EFCAB6: variants seen among roughly 807,000 people sequenced by gnomAD.
EFCAB6 encodes EF-hand calcium-binding domain-containing protein 6.
In EFCAB6, 156 loss-of-function variants were observed where a neutral mutation model predicts 169.8. The ratio of observed to expected loss-of-function variants is 0.92; its 90% CI spans 0.81 to 1.05. The LOEUF is 1.05. EFCAB6 is among the 50% of genes least tolerant of loss of function. EFCAB6 has a pLI of 0.00. For missense variants in EFCAB6, 1,800 were observed against 1,829.1 expected (o/e 0.98, Z 0.29); for synonymous variants, 698 against 676.4 (o/e 1.03, Z -0.50).
At chr22:43,619,327 TA>T (rs1354146979) in intron 20 of EFCAB6, among the ~76,000 whole-genome samples, 5 of 152,184 alleles carry the variant, frequency 3.3e-5, no homozygotes, top group African/African-American at 1.2e-4. Flanking sequence ...GATTGCCTGC[TA>T]AAATAATGAC....
intron 6 of EFCAB6, among the ~76,000 whole-genome samples, chr22:43,754,168 A>C (rs2060872091): frequency 6.6e-6 from 1 of 152,226 alleles, no homozygotes; most frequent in Non-Finnish European, 1.5e-5. Flanking sequence ...AGCTGTAGGG[A>C]TAAGCATAAT....
intron 4 of EFCAB6, among the ~76,000 whole-genome samples, chr22:43,770,949 G>C (rs1014090400): frequency 6.6e-6 from 1 of 151,886 alleles, no homozygotes; most frequent in East Asian, 1.9e-4. Context: ...GAGAGAGAGA[G>C]AGAGTCAGTC....
chr22:43,683,971 G>T, intron 11 of EFCAB6, 116 bp from the exon 12 acceptor site: 2 of 744,376 alleles, frequency 2.7e-6, no homozygotes, highest in Non-Finnish European at 2.2e-6. Context: ...CTCTGTGCGT[G>T]GCTCTTTTTC....
rs577824411 is a variant in EFCAB6 at position 43,600,083 on chromosome 22, C to G, written c.2862G>C (p.Lys954Asn). Residue 954 changes from lysine to asparagine, a missense_variant, in exon 23 of 32, where the codon AAG becomes AAC. Physicochemically the swap from Lys to Asn is moderately conservative, Grantham distance 94. Coordinates refer to ENST00000262726, the MANE Select transcript of EFCAB6 (RefSeq NM_022785.4). The part of the protein sequence containing the change: ...EMKELQQSTE[K>N]AVAARDKLMD... ...TCCTCACTCACCTGGCTGCCACAGC[C>G]TTCTCTGTGCTCTGCTGCAGCTCCT... 1.2e-6 allele frequency: 2 copies of G among 1,613,816 alleles called. No individual in the cohort carries two copies. Among genetic ancestry groups the G allele is most frequent in the African/African-American group, 2.7e-5 (2 of 75,004 alleles).
At chr22:43,539,365 C>G (rs1233829065) in intron 28 of EFCAB6, among the ~76,000 whole-genome samples, 1 of 152,212 alleles carries the variant, frequency 6.6e-6, no homozygotes, top group Non-Finnish European at 1.5e-5. Flanking sequence ...AGAACACAAA[C>G]TCCACAAGAG....
chr22:43,683,994 T>A, intron 11 of EFCAB6, 139 bp from the exon 12 acceptor site: 1 of 647,180 alleles, frequency 1.5e-6, no homozygotes, highest in Non-Finnish European at 2.7e-6. Context: ...GACAGTGTGC[T>A]GCACTTGTGG....
intron 2 of EFCAB6, among the ~76,000 whole-genome samples, chr22:43,784,589 A>ATGTATATATACACATATATATG (rs1569487546): frequency 7.5e-5 from 3 of 40,210 alleles, no homozygotes; most frequent in Non-Finnish European, 1.7e-4. Flanking sequence ...ACACATATAT[A>ATGTATATATACACATATATATG]TGTATATATA....
rs927235200 is a variant in EFCAB6, at chr22:43,608,577, C to G, written c.2586G>C (p.Glu862Asp). 1.2e-6 allele frequency: 2 copies of G among 1,614,032 alleles called. No individual in the cohort carries two copies. Among genetic ancestry groups the G allele is most frequent in the Non-Finnish European group, 1.7e-6 (2 of 1,180,028 alleles). Residue 862 changes from glutamate (E) to aspartate (D), a missense_variant, in exon 22 of 32, where the codon GAG (glutamate) becomes GAC (aspartate). By Grantham distance (45) the Glu-to-Asp change is conservative. Transcript: ENST00000262726. ...CCCGGCGTCGAAGAATGCCATTGCC[C>G]TCATTATCGGTTTCTAGAAAATTCT... is the stretch of plus-strand genomic sequence containing the variant. ...LSKNFLETDNEGNGILRRRDI... is the reference protein window; with the variant it reads ...LSKNFLETDNDGNGILRRRDI...
rs1396103198 is a variant in EFCAB6, at chr22:43,772,805, A to ATCC, written c.351+86_351+87insGGA. The ATCC allele has an allele frequency of 1.4e-5, 20 of 1,450,050 alleles. No homozygotes were observed. The African/African-American group carries it at 2.4e-4, about 17-fold the overall frequency. The allele number at this position is 1,450,050 out of a possible 1,614,324, so 89.8% of individuals were successfully genotyped here. A position where few individuals can be genotyped will look rare whatever the true frequency, so the allele number is the denominator to read the frequency against. ...CAACTGCTCAGTGGCAACAGTGGGG[A>ATCC]CAAAGACAGGAGAGGTTACCTGCTC... On this transcript the variant is annotated intron_variant, in intron 4 of 31. Transcript: ENST00000262726.
At position 43,586,340 on chromosome 22, in the gene EFCAB6, A is replaced by ATTTTTTT. The variant is rs36058832; in HGVS notation, c.3032+3727_3032+3733dup. Among the ~76,000 whole-genome samples the ATTTTTTT allele has an allele frequency of 9.1e-3, 660 of 72,842 alleles. 58 individuals carry two copies. The highest frequency in any genetic ancestry group is 0.013 in the African/African-American group (199 of 15,424). 47.8% of individuals were successfully genotyped at this position (72,842 alleles called of 152,430 possible). A position where few individuals can be genotyped will look rare whatever the true frequency, so the allele number is the denominator to read the frequency against. ...ACTGTAAACTCTTGAGCAACAACTG[A>ATTTTTTT]TTTTTTTTTTTTTTTTTTTTTTTTT... On this transcript the variant is annotated intron_variant, in intron 24 of 31. Coordinates refer to ENST00000262726, the MANE Select transcript of EFCAB6 (RefSeq NM_022785.4).
chr22:43,644,875 T>C (rs976787367), intron 17 of EFCAB6, among the ~76,000 whole-genome samples: 1 of 152,226 alleles, frequency 6.6e-6, no homozygotes, highest in Non-Finnish European at 1.5e-5. Context: ...TGACTGTGTT[T>C]TGTATTACTG....
intron 4 of EFCAB6, among the ~76,000 whole-genome samples, chr22:43,768,585 C>T (rs1254234625): frequency 6.6e-6 from 1 of 152,216 alleles, no homozygotes; most frequent in African/African-American, 2.4e-5. Context: ...ACACTCCAGC[C>T]TCCTTGATTG....
At chr22:43,761,029 T>C (rs2061146139) in intron 5 of EFCAB6, among the ~76,000 whole-genome samples, 1 of 152,234 alleles carries the variant, frequency 6.6e-6, no homozygotes, top group Non-Finnish European at 1.5e-5. Context: ...CCTTCTTGAT[T>C]GACACACAGG....
intron 25 of EFCAB6, among the ~76,000 whole-genome samples, chr22:43,579,685 T>C (rs2050578789): frequency 7.0e-6 from 1 of 143,442 alleles, no homozygotes; most frequent in Non-Finnish European, 1.5e-5. Flanking sequence ...ATTGCTTACA[T>C]ACAAGCATCA....
At chr22:43,602,747 A>C (rs554033654) in intron 22 of EFCAB6, among the ~76,000 whole-genome samples, 2 of 152,140 alleles carry the variant, frequency 1.3e-5, no homozygotes, top group South Asian at 4.2e-4. Flanking sequence ...CTCTTTTGGA[A>C]ACCTCTCTCT....
intron 3 of EFCAB6, among the ~76,000 whole-genome samples, chr22:43,780,200 G>A (rs919293598): frequency 3.9e-5 from 6 of 152,002 alleles, no homozygotes; most frequent in African/African-American, 7.2e-5. Flanking sequence ...TTAAGAGCAG[G>A]AACAGGCTGG....
chr22:43,806,090 C>T (rs1266626137), intron 2 of EFCAB6, among the ~76,000 whole-genome samples: 2 of 147,952 alleles, frequency 1.4e-5, no homozygotes, highest in African/African-American at 5.0e-5. Flanking sequence ...CGCTTGAACC[C>T]AGGAGGTGAA....
intron 8 of EFCAB6, among the ~76,000 whole-genome samples, chr22:43,719,431 A>G (rs898636378): frequency 6.6e-6 from 1 of 152,220 alleles, no homozygotes; most frequent in Non-Finnish European, 1.5e-5. Context: ...GGTGCTTTTC[A>G]TAAGCAAGAT....
At chr22:43,564,889 A>G (rs868297068) in intron 26 of EFCAB6, among the ~76,000 whole-genome samples, 3 of 152,202 alleles carry the variant, frequency 2.0e-5, no homozygotes, top group African/African-American at 4.8e-5. Context: ...AGGGGGTGGT[A>G]GACTTGTCAA....
Sources: allele counts gnomAD v4.1 joint callset (sites outside exome capture counted in the v4.1 genomes callset), GRCh38; gene constraint gnomAD v4.1.1; transcripts MANE v1.5; gene names NCBI Gene and HGNC (gene_info 2026-07-23, HGNC 2026-07-21).